QTGAL: variants seen among roughly 807,000 people sequenced by gnomAD.
The protein encoded by QTGAL is BGnT-like protein 1.
chr17:82,972,801 G>C, the QTGAL span, among the ~76,000 whole-genome samples: 2 of 144,158 alleles, frequency 1.4e-5, no homozygotes, highest in African/African-American at 5.4e-5. Flanking sequence ...ACCTGGTGCC[G>C]ACCACAGCAC....
At chr17:82,959,250 G>C in the QTGAL span, among the ~76,000 whole-genome samples, 1 of 151,974 alleles carries the variant, frequency 6.6e-6, no homozygotes, top group African/African-American at 2.4e-5. Context: ...GTACACGCAT[G>C]TGTACACGTG....
At chr17:83,051,766 C>T in the QTGAL span, 3 of 1,496,146 alleles carry the variant, frequency 2.0e-6, no homozygotes, top group African/African-American at 1.5e-5. Flanking sequence ...TGGCTCTCCT[C>T]GGACGCCCCG....
At chr17:82,988,017 T>C in the QTGAL span, among the ~76,000 whole-genome samples, 1 of 152,202 alleles carries the variant, frequency 6.6e-6, no homozygotes, top group Non-Finnish European at 1.5e-5. Flanking sequence ...CTAGGTATTT[T>C]ATTCTCTTTG....
At chr17:82,972,227 CACCACACTCAT>C in the QTGAL span, among the ~76,000 whole-genome samples, 3 of 89,726 alleles carry the variant, frequency 3.3e-5, no homozygotes, top group Non-Finnish European at 4.3e-5. Flanking sequence ...GTGCCGACCA[CACCACACTCAT>C]AGGGGCCAGA....
the QTGAL span, chr17:83,006,353 G>T: frequency 2.0e-6 from 2 of 985,348 alleles, no homozygotes; most frequent in African/African-American, 3.5e-5. The surrounding 1 kb of genome is among the most constrained non-coding windows in gnomAD (Gnocchi z 5.8). Flanking sequence ...GGAGGCTTCT[G>T]TTTGCATTTG....
the QTGAL span, among the ~76,000 whole-genome samples, chr17:82,977,243 A>T: frequency 6.6e-6 from 1 of 152,234 alleles, no homozygotes; most frequent in Non-Finnish European, 1.5e-5. Context: ...GCGAAGTCGG[A>T]ACCTGCGTGA....
At chr17:83,047,716 C>CTTACCAAAGAACAAGAAATTTAGGT in the QTGAL span, among the ~76,000 whole-genome samples, 1 of 146,608 alleles carries the variant, frequency 6.8e-6, no homozygotes, top group African/African-American at 2.5e-5. Flanking sequence ...ATAATAAATC[C>CTTACCAAAGAACAAGAAATTTAGGT]CTACCAAAGA....
the QTGAL span, among the ~76,000 whole-genome samples, chr17:83,001,159 C>T: frequency 6.6e-6 from 1 of 152,184 alleles, no homozygotes; most frequent in Non-Finnish European, 1.5e-5. Context: ...GACAAATGGA[C>T]AAATCACTGT....
chr17:83,018,725 T>C, the QTGAL span, among the ~76,000 whole-genome samples: 2 of 152,196 alleles, frequency 1.3e-5, no homozygotes, highest in African/African-American at 2.4e-5. Flanking sequence ...GGAATTAACT[T>C]CCCTCTCATG....
the QTGAL span, among the ~76,000 whole-genome samples, chr17:83,008,476 G>T: frequency 6.6e-6 from 1 of 152,260 alleles, no homozygotes; most frequent in Admixed American, 6.5e-5. Context: ...CAGAAGGGAG[G>T]TGTGAGGGGA....
chr17:83,031,451 G>A, the QTGAL span, among the ~76,000 whole-genome samples: 2 of 151,894 alleles, frequency 1.3e-5, no homozygotes, highest in Non-Finnish European at 2.9e-5. Flanking sequence ...TTTCCAGCGG[G>A]GAAGGGTGTA....
chr17:83,051,206 G>T, the QTGAL span, among the ~76,000 whole-genome samples: 2 of 146,146 alleles, frequency 1.4e-5, no homozygotes, highest in Non-Finnish European at 3.0e-5. Flanking sequence ...GGCAAGGCAG[G>T]TGCGTAAGAG....
chr17:83,001,286 C>T, the QTGAL span, among the ~76,000 whole-genome samples: 1 of 152,094 alleles, frequency 6.6e-6, no homozygotes, highest in Admixed American at 6.5e-5. Flanking sequence ...CTGAAAGCAC[C>T]GATGGCAAAT....
chr17:82,960,089 C>A, the QTGAL span, among the ~76,000 whole-genome samples: 11 of 152,182 alleles, frequency 7.2e-5, no homozygotes, highest in African/African-American at 2.7e-4. Context: ...CATGAGGAGG[C>A]GGCCAAGGTG....
the QTGAL span, chr17:82,965,624 G>A: frequency 1.3e-6 from 2 of 1,567,200 alleles, no homozygotes; most frequent in Middle Eastern, 1.9e-4. Flanking sequence ...CTGGGGGAGG[G>A]ACCTGATTCC....
the QTGAL span, among the ~76,000 whole-genome samples, chr17:83,046,435 C>T: frequency 9.0e-4 from 137 of 152,298 alleles, no homozygotes; most frequent in African/African-American, 3.2e-3. Context: ...CCATGCCTGG[C>T]CCAAGGAAGA....
chr17:83,029,783 C>A, the QTGAL span, among the ~76,000 whole-genome samples: 1 of 152,190 alleles, frequency 6.6e-6, no homozygotes, highest in Non-Finnish European at 1.5e-5. Context: ...TAGCTCCCTG[C>A]AACCCTGGCG....
the QTGAL span, among the ~76,000 whole-genome samples, chr17:83,033,759 C>T: frequency 6.6e-6 from 1 of 152,100 alleles, no homozygotes; most frequent in South Asian, 2.1e-4. Context: ...GCGTGAGCCA[C>T]CGCGCCCGGC....
the QTGAL span, among the ~76,000 whole-genome samples, chr17:82,951,431 G>A: frequency 6.6e-6 from 1 of 152,176 alleles, no homozygotes; most frequent in Non-Finnish European, 1.5e-5. Flanking sequence ...GAAGAGAGTT[G>A]GGACCTCGCT....
Sources: allele counts gnomAD v4.1 joint callset (sites outside exome capture counted in the v4.1 genomes callset), GRCh38; gene constraint gnomAD v4.1.1; non-coding constraint Gnocchi (gnomAD v3.1); transcripts MANE v1.5; gene names NCBI Gene and HGNC (gene_info 2026-07-23, HGNC 2026-07-21).